Variants in SCHIP1 observed in about 807,000 individuals in gnomAD.
The protein encoded by SCHIP1 is schwannomin interacting protein 1, also known as schwannomin-interacting protein 1.
A neutral mutation model predicts 29.7 loss-of-function variants in SCHIP1; 8 were observed. That is an observed-to-expected ratio of 0.27 (90% confidence interval 0.16 to 0.49). The LOEUF is 0.49. Ranked by LOEUF, SCHIP1 falls within the 20% of genes least tolerant of loss-of-function variation. The pLI is 0.99. For synonymous variants in SCHIP1, 76 were observed against 94.9 expected, an observed-to-expected ratio of 0.80 and a Z score of 1.16; for missense variants, 193 against 294.6, an observed-to-expected ratio of 0.66 and a Z score of 2.52.
chr3:159,343,121 A>G, the SCHIP1 span, among the ~76,000 whole-genome samples: 46 of 152,262 alleles, frequency 3.0e-4, no homozygotes, highest in African/African-American at 1.1e-3. Flanking sequence ...GCTTCCTTTT[A>G]TCTACATTCT....
the SCHIP1 span, among the ~76,000 whole-genome samples, chr3:159,681,919 G>T: frequency 6.0e-5 from 5 of 82,976 alleles, no homozygotes; most frequent in Non-Finnish European, 1.0e-4. Flanking sequence ...GTTAACTTAG[G>T]TTAACTTGGG....
the SCHIP1 span, among the ~76,000 whole-genome samples, chr3:159,816,303 G>A: frequency 2.6e-5 from 4 of 151,764 alleles, no homozygotes; most frequent in Admixed American, 1.3e-4. Flanking sequence ...GATGGATCTT[G>A]CCCTGACACC....
the SCHIP1 span, among the ~76,000 whole-genome samples, chr3:159,315,015 A>T: frequency 6.6e-6 from 1 of 152,192 alleles, no homozygotes. Context: ...TTGCATGTAC[A>T]TATAGCCAAG....
chr3:159,839,746 T>A (rs919340391), upstream of SCHIP1: 7 of 392,852 alleles, frequency 1.8e-5, no homozygotes, highest in African/African-American at 1.5e-4. Flanking sequence ...TTTGTGTCTG[T>A]CCCTCTCCCT....
the SCHIP1 span, among the ~76,000 whole-genome samples, chr3:159,784,777 C>A: frequency 6.6e-6 from 1 of 152,244 alleles, no homozygotes; most frequent in Non-Finnish European, 1.5e-5. Flanking sequence ...CCCCAGCCTC[C>A]TGAGTAGCTG....
the SCHIP1 span, among the ~76,000 whole-genome samples, chr3:159,834,770 A>G: frequency 4.6e-5 from 7 of 152,226 alleles, no homozygotes; most frequent in Non-Finnish European, 1.0e-4. Flanking sequence ...TTTCATGTAC[A>G]AAATTATTAT....
the SCHIP1 span, among the ~76,000 whole-genome samples, chr3:159,654,502 C>T: frequency 6.6e-6 from 1 of 152,002 alleles, no homozygotes; most frequent in Non-Finnish European, 1.5e-5. Flanking sequence ...ATCTACAAAC[C>T]CCCCACTTAT....
At chr3:159,792,442 T>C in the SCHIP1 span, among the ~76,000 whole-genome samples, 4 of 152,212 alleles carry the variant, frequency 2.6e-5, no homozygotes, top group African/African-American at 9.6e-5. Flanking sequence ...CACTTGACAA[T>C]TGTCTGGAAC....
the SCHIP1 span, among the ~76,000 whole-genome samples, chr3:159,556,703 G>A: frequency 1.4e-4 from 21 of 145,198 alleles, no homozygotes; most frequent in African/African-American, 4.9e-4. Context: ...TCACTCATAG[G>A]TGGGAATTGA....
At chr3:159,357,128 C>T in the SCHIP1 span, among the ~76,000 whole-genome samples, 1 of 152,176 alleles carries the variant, frequency 6.6e-6, no homozygotes, top group African/African-American at 2.4e-5. Context: ...GAGAAAGTGA[C>T]TTGTTTCAGC....
chr3:159,335,659 T>A, the SCHIP1 span, among the ~76,000 whole-genome samples: 6 of 152,136 alleles, frequency 3.9e-5, no homozygotes, highest in East Asian at 1.2e-3. Context: ...CATGTCCCTA[T>A]AAAGGACATG....
At chr3:159,455,716 T>C in the SCHIP1 span, among the ~76,000 whole-genome samples, 1 of 152,230 alleles carries the variant, frequency 6.6e-6, no homozygotes, top group Admixed American at 6.5e-5. Context: ...GAGTCTATTT[T>C]ACTATCACAC....
the SCHIP1 span, among the ~76,000 whole-genome samples, chr3:159,795,683 G>A: frequency 6.6e-6 from 1 of 152,184 alleles, no homozygotes; most frequent in African/African-American, 2.4e-5. Context: ...TAGGTTAGAG[G>A]AGGAGAATCT....
At chr3:159,494,801 A>C in the SCHIP1 span, among the ~76,000 whole-genome samples, 8 of 152,112 alleles carry the variant, frequency 5.3e-5, no homozygotes, top group Non-Finnish European at 1.0e-4. Context: ...GACACAACAA[A>C]AAAAAAGAGA....
the SCHIP1 span, among the ~76,000 whole-genome samples, chr3:159,486,169 C>CT: frequency 6.6e-6 from 1 of 152,154 alleles, no homozygotes. Context: ...AAGATCTATT[C>CT]TCTCAGCAAA....
chr3:159,875,932 C>A (rs1325705025), intron 2 of SCHIP1, among the ~76,000 whole-genome samples: 11 of 151,842 alleles, frequency 7.2e-5, no homozygotes, highest in Non-Finnish European at 1.5e-4. Context: ...GTCTCTAGAA[C>A]AAAACAAAAC....
At chr3:159,747,233 AG>A in the SCHIP1 span, among the ~76,000 whole-genome samples, 1 of 152,194 alleles carries the variant, frequency 6.6e-6, no homozygotes, top group Non-Finnish European at 1.5e-5. Context: ...CTGGGCCAAC[AG>A]TCTTGGATCT....
At chr3:159,648,586 T>A in the SCHIP1 span, among the ~76,000 whole-genome samples, 4 of 152,280 alleles carry the variant, frequency 2.6e-5, no homozygotes, top group South Asian at 8.3e-4. Context: ...GAACATTGCC[T>A]CATCATCTTT....
At chr3:159,403,947 T>C in the SCHIP1 span, among the ~76,000 whole-genome samples, 1 of 152,140 alleles carries the variant, frequency 6.6e-6, no homozygotes, top group Non-Finnish European at 1.5e-5. Flanking sequence ...TCAGCCACAG[T>C]AGAATAGGGC....
Sources: gnomAD v4.1 joint callset for allele counts (sites outside exome capture counted in the v4.1 genomes callset) on GRCh38, gnomAD v4.1.1 for gene constraint, MANE v1.5 for transcripts, NCBI Gene and HGNC (gene_info 2026-07-23, HGNC 2026-07-21) for gene names.